The following CTIF variants were observed in gnomAD, a reference collection of about 807,000 sequenced individuals.
CTIF encodes CBP80/20-dependent translation initiation factor.
A neutral mutation model predicts 66.0 loss-of-function variants in CTIF; 21 were observed. That is an observed-to-expected ratio of 0.32 (90% CI 0.23 to 0.46). The LOEUF (loss-of-function observed/expected upper bound fraction) is 0.46. CTIF is among the 20% of genes least tolerant of loss of function. The probability of loss-of-function intolerance (pLI) is 1.00; values close to 1 mark genes in which losing one functional copy is unlikely to be tolerated. For missense variants in CTIF, 739 were observed against 812.7 expected, an observed-to-expected ratio of 0.91 and a Z score of 1.10; for synonymous variants, 345 against 326.4, an observed-to-expected ratio of 1.06 and a Z score of -0.62.
intron 1 of CTIF, among the ~76,000 whole-genome samples, chr18:48,602,098 G>C (rs1402608722): frequency 6.6e-6 from 1 of 152,250 alleles, no homozygotes; most frequent in Non-Finnish European, 1.5e-5. Context: ...GCCTGAGCCT[G>C]TGTGAACATG....
intron 7 of CTIF, among the ~76,000 whole-genome samples, chr18:48,741,372 G>T (rs1032874035): frequency 2.1e-5 from 3 of 146,114 alleles, no homozygotes; most frequent in Non-Finnish European, 4.5e-5. Flanking sequence ...TGTCCTGCCA[G>T]CTCTGCCAGC....
At chr18:48,792,387 G>A (rs952874252) in intron 9 of CTIF, among the ~76,000 whole-genome samples, 3 of 152,178 alleles carry the variant, frequency 2.0e-5, no homozygotes, top group East Asian at 1.9e-4. Context: ...GCTCTGAGAG[G>A]GGTGGGATGC....
At chr18:48,720,790 GCA>G (rs1017944295) in intron 7 of CTIF, among the ~76,000 whole-genome samples, 8 of 152,170 alleles carry the variant, frequency 5.3e-5, no homozygotes, top group African/African-American at 1.7e-4. Flanking sequence ...ATAATCCTTT[GCA>G]CAGTGCAGCT....
intron 7 of CTIF, among the ~76,000 whole-genome samples, chr18:48,739,876 C>T (rs1361531344): frequency 6.6e-6 from 1 of 152,222 alleles, no homozygotes; most frequent in Non-Finnish European, 1.5e-5. Flanking sequence ...CTCCCTTTCC[C>T]TGGATGTCTG....
intron 6 of CTIF, chr18:48,683,240 A>C (rs2091777691): frequency 6.6e-6 from 1 of 151,950 alleles, no homozygotes. Flanking sequence ...AAGAACAACA[A>C]GGGAGTAGCA....
At chr18:48,848,820 C>T (rs923111778) in intron 10 of CTIF, among the ~76,000 whole-genome samples, 1 of 152,242 alleles carries the variant, frequency 6.6e-6, no homozygotes, top group African/African-American at 2.4e-5. Flanking sequence ...CTGACTGGAG[C>T]ACCTTGGTTT....
intron 3 of CTIF, among the ~76,000 whole-genome samples, chr18:48,657,426 T>C (rs2091262949): frequency 6.6e-6 from 1 of 152,224 alleles, no homozygotes; most frequent in Admixed American, 6.5e-5. Flanking sequence ...TTTAGAGGAA[T>C]GAGGCTTTCT....
At chr18:48,664,946 C>T (rs1478440295) in intron 5 of CTIF, among the ~76,000 whole-genome samples, 36 of 141,012 alleles carry the variant, frequency 2.6e-4, no homozygotes, top group Non-Finnish European at 4.0e-4. Context: ...CTCGCTCTGT[C>T]GCCCAGGCCG....
chr18:48,791,999 G>A (rs1485947084), intron 9 of CTIF, among the ~76,000 whole-genome samples: 1 of 152,240 alleles, frequency 6.6e-6, no homozygotes, highest in Non-Finnish European at 1.5e-5. Flanking sequence ...CAAACAGACA[G>A]ACTCAGCAAC....
chr18:48,618,398 T>C (rs1318275758), intron 1 of CTIF, among the ~76,000 whole-genome samples: 1 of 152,220 alleles, frequency 6.6e-6, no homozygotes, highest in Non-Finnish European at 1.5e-5. Flanking sequence ...AAGTCTGTTC[T>C]ACTAGTTGTG....
chr18:48,678,327 T>C (rs2091673090), intron 6 of CTIF, among the ~76,000 whole-genome samples: 1 of 152,186 alleles, frequency 6.6e-6, no homozygotes, highest in Non-Finnish European at 1.5e-5. Flanking sequence ...TGTAGTGGCC[T>C]TCCCCATCCC....
intron 1 of CTIF, among the ~76,000 whole-genome samples, chr18:48,576,762 C>G (rs746383028): frequency 2.6e-5 from 4 of 152,234 alleles, no homozygotes; most frequent in Non-Finnish European, 2.9e-5. Flanking sequence ...CTCAAATGCA[C>G]TTTTAAAATT....
chr18:48,729,841 A>G (rs1322814134), intron 7 of CTIF, among the ~76,000 whole-genome samples: 4 of 152,222 alleles, frequency 2.6e-5, no homozygotes, highest in Non-Finnish European at 5.9e-5. Flanking sequence ...TTTGGCAGGC[A>G]TGAGGAAAGA....
At chr18:48,754,076 T>TC (rs1359346729) in intron 7 of CTIF, among the ~76,000 whole-genome samples, 1 of 152,202 alleles carries the variant, frequency 6.6e-6, no homozygotes, top group African/African-American at 2.4e-5. Context: ...GAGGCCTAAC[T>TC]CCAAGTCTGT....
intron 7 of CTIF, among the ~76,000 whole-genome samples, chr18:48,719,640 C>T (rs1423348761): frequency 6.6e-6 from 1 of 152,186 alleles, no homozygotes; most frequent in African/African-American, 2.4e-5. Context: ...AGTTGCCTGA[C>T]CTGCAAGATC....
intron 10 of CTIF, among the ~76,000 whole-genome samples, chr18:48,846,254 T>A (rs1430833581): frequency 6.6e-6 from 1 of 152,262 alleles, no homozygotes; most frequent in Non-Finnish European, 1.5e-5. Context: ...CTTTTTTACA[T>A]CTTTCTCATG....
chr18:48,725,626 G>A (rs2092379843), intron 7 of CTIF, among the ~76,000 whole-genome samples: 1 of 152,112 alleles, frequency 6.6e-6, no homozygotes, highest in South Asian at 2.1e-4. Context: ...ATCCCGTTTT[G>A]TGAACTGGTG....
At chr18:48,587,531 C>T (rs941961292) in intron 1 of CTIF, among the ~76,000 whole-genome samples, 6 of 152,268 alleles carry the variant, frequency 3.9e-5, no homozygotes, top group Admixed American at 2.6e-4. Flanking sequence ...TGTGGCATGC[C>T]GGATAGCAGA....
At chr18:48,749,159 A>G (rs555285240) in intron 7 of CTIF, among the ~76,000 whole-genome samples, 1 of 152,356 alleles carries the variant, frequency 6.6e-6, no homozygotes, top group South Asian at 2.1e-4. Context: ...ACAGGCAAGG[A>G]AAGAGTGACT....
Sources: gnomAD v4.1 joint callset for allele counts (sites outside exome capture counted in the v4.1 genomes callset) on GRCh38, gnomAD v4.1.1 for gene constraint, MANE v1.5 for transcripts, NCBI Gene and HGNC (gene_info 2026-07-23, HGNC 2026-07-21) for gene names.